DNAH14: variants seen among roughly 807,000 people sequenced by gnomAD.
DNAH14 encodes axonemal beta dynein heavy chain 14.
A neutral mutation model predicts 520.9 loss-of-function variants in DNAH14; 478 were observed. The observed-to-expected ratio is 0.92, with a 90% confidence interval of 0.85 to 0.99. The LOEUF (loss-of-function observed/expected upper bound fraction) is 0.99, where lower values mean the gene tolerates loss of function less well. Among genes scored for constraint, DNAH14 ranks in the 50% least tolerant of loss-of-function variants. The pLI is 0.00. For synonymous variants in DNAH14, 1,581 were observed against 1,757.2 expected, an observed-to-expected ratio of 0.90 and a Z score of 2.51; for missense variants, 4,831 against 5,234.5, an observed-to-expected ratio of 0.92 and a Z score of 2.38.
intron 68 of DNAH14, among the ~76,000 whole-genome samples, chr1:225,340,133 T>TTCTC (rs1472779431): frequency 6.6e-6 from 1 of 152,154 alleles, no homozygotes; most frequent in Non-Finnish European, 1.5e-5. Context: ...CTCCATTGGC[T>TTCTC]TCTCACTCAC....
intron 27 of DNAH14, among the ~76,000 whole-genome samples, chr1:225,139,927 C>T (rs1403494451): frequency 6.6e-6 from 1 of 152,228 alleles, no homozygotes; most frequent in African/African-American, 2.4e-5. Context: ...TCATCATGAG[C>T]TTGCAACATC....
intron 36 of DNAH14, among the ~76,000 whole-genome samples, chr1:225,172,568 A>G (rs1454009073): frequency 2.0e-5 from 3 of 152,172 alleles, no homozygotes; most frequent in Non-Finnish European, 4.4e-5. Context: ...GATATGAAGG[A>G]CCTCTTCAAG....
rs1195729965 is a variant in DNAH14, at chr1:225,333,461, G to C, written c.10035G>C (p.Leu3345Phe). The C allele has an allele frequency of 2.6e-6, 4 of 1,551,148 alleles. No homozygotes were observed. Among genetic ancestry groups the C allele is most frequent in the Non-Finnish European group, 1.7e-6 (2 of 1,146,750 alleles). The stretch of plus-strand genomic sequence containing the variant: ...TCTGCATTGAAAATGGCATTTCTTT[G>C]TCTTCCAAATTCTCTTTAATTAAAG... ...ETFCIENGIS[L>F]SSKFSLIKVM... Residue 3345 changes from leucine to phenylalanine, a missense_variant, in exon 66 of 86, where the codon TTG becomes TTC. Leu to Phe is a conservative substitution (Grantham distance 22, BLOSUM62 0). Coordinates refer to ENST00000682510, the MANE Select transcript of DNAH14 (RefSeq NM_001367479.1).
chr1:225,074,530 C>G (rs544526700), intron 17 of DNAH14, among the ~76,000 whole-genome samples: 1 of 152,294 alleles, frequency 6.6e-6, no homozygotes, highest in Non-Finnish European at 1.5e-5. Flanking sequence ...GGGGCCCAAA[C>G]AGCAAAGATG....
chr1:225,335,666 T>C lies in DNAH14; in HGVS notation c.10081-1600T>C, dbSNP rs1484025878. ...ATATGTATATACGCATATATACATA[T>C]GTGCATATATGTATATACGCATATA... On this transcript the variant is annotated intron_variant, in intron 66 of 85. Transcript: ENST00000682510. Among the ~76,000 whole-genome samples the C allele has an allele frequency of 1.6e-5, 2 of 121,698 alleles. 1 individual carries two copies. The highest frequency in any genetic ancestry group is 3.5e-5 in the Non-Finnish European group (2 of 56,420). 79.8% of individuals were successfully genotyped at this position (121,698 alleles called of 152,430 possible). A position where few individuals can be genotyped will look rare whatever the true frequency, so the allele number is the denominator to read the frequency against.
At chr1:224,944,710 G>T (rs917505755) in intron 1 of DNAH14, among the ~76,000 whole-genome samples, 2 of 152,256 alleles carry the variant, frequency 1.3e-5, no homozygotes, top group Admixed American at 1.3e-4. Context: ...TCTCTCAGCA[G>T]TTGCTTGTCT....
chr1:225,377,199 G>T, intron 78 of DNAH14, 38 bp from the exon 79 acceptor site: 2 of 1,390,820 alleles, frequency 1.4e-6, no homozygotes, highest in East Asian at 5.5e-5. Flanking sequence ...GAAGTAGCAG[G>T]ATTGAAGAAA....
At chr1:225,042,372 A>C (rs932928942) in intron 12 of DNAH14, among the ~76,000 whole-genome samples, 1 of 152,198 alleles carries the variant, frequency 6.6e-6, no homozygotes, top group Non-Finnish European at 1.5e-5. Flanking sequence ...TGTCCATGTT[A>C]GTATATGTAT....
At chr1:224,949,429 A>C (rs1425691328) in intron 1 of DNAH14, among the ~76,000 whole-genome samples, 1 of 152,170 alleles carries the variant, frequency 6.6e-6, no homozygotes, top group Non-Finnish European at 1.5e-5. Flanking sequence ...TATGAAACTG[A>C]AGGTTTATGT....
rs570333716 is a variant in DNAH14, at chr1:225,267,076, CTT to C, written c.7539+310_7539+311del. Among the ~76,000 whole-genome samples the C allele has an allele frequency of 2.0e-3, 308 of 152,188 alleles. 6 individuals are homozygous for C. The highest frequency in any genetic ancestry group is 0.015 in the East Asian group (78 of 5,180). Reference sequence around the variant, plus strand: ...TTAACTGCATCAGTAGTTAATCAAACTTTTCCATGCATCAAATTTTAGTTAGT... The same window carrying C: ...TTAACTGCATCAGTAGTTAATCAAACTTCCATGCATCAAATTTTAGTTAGT... On this transcript the variant is annotated intron_variant, in intron 49 of 85. Coordinates refer to ENST00000682510, the MANE Select transcript of DNAH14 (RefSeq NM_001367479.1).
In DNAH14 at chr1:225,332,799, A is replaced by G. The variant is rs367977911; in HGVS notation, c.9865-492A>G. Reference sequence around the variant, plus strand: ...TGCTTGAGGTCAAGAGTTTAAGACCAACCGGGCAATGTAGCAAGATCCTGT... The same window carrying G: ...TGCTTGAGGTCAAGAGTTTAAGACCGACCGGGCAATGTAGCAAGATCCTGT... On this transcript the variant is annotated intron_variant, in intron 65 of 85. Coordinates refer to ENST00000682510, the MANE Select transcript of DNAH14 (RefSeq NM_001367479.1). Among the ~76,000 whole-genome samples the G allele has an allele frequency of 1.5e-4, 22 of 150,422 alleles. No homozygotes were observed. The East Asian group carries it at 4.1e-3, about 28-fold the overall frequency.
intron 55 of DNAH14, among the ~76,000 whole-genome samples, chr1:225,292,838 GTATTT>G (rs1447381376): frequency 6.6e-6 from 1 of 151,738 alleles, no homozygotes; most frequent in African/African-American, 2.4e-5. Context: ...TTATTCCCAG[GTATTT>G]TATTTTATTT....
intron 36 of DNAH14, among the ~76,000 whole-genome samples, chr1:225,175,804 C>T (rs1021695961): frequency 6.7e-6 from 1 of 149,156 alleles, no homozygotes; most frequent in Non-Finnish European, 1.5e-5. Context: ...TAGTAAGTCT[C>T]ACAGGACCTG....
intron 36 of DNAH14, among the ~76,000 whole-genome samples, chr1:225,173,518 A>G (rs2082946669): frequency 1.3e-5 from 2 of 152,246 alleles, no homozygotes; most frequent in Admixed American, 1.3e-4. Context: ...AATGCTCATC[A>G]TCACTGGCCA....
At chr1:225,061,895 A>C (rs2070174456) in intron 17 of DNAH14, among the ~76,000 whole-genome samples, 1 of 152,214 alleles carries the variant, frequency 6.6e-6, no homozygotes, top group Non-Finnish European at 1.5e-5. Context: ...TGTTTAGAAC[A>C]TTGATTATGA....
chr1:225,105,632 A>G (rs1409856641), intron 23 of DNAH14, among the ~76,000 whole-genome samples: 1 of 152,088 alleles, frequency 6.6e-6, no homozygotes, highest in Non-Finnish European at 1.5e-5. Flanking sequence ...TCCTTTTACC[A>G]TTTTGTAATG....
At chr1:225,167,806 G>A in intron 35 of DNAH14, 133 bp from the exon 36 acceptor site, 1 of 490,846 alleles carries the variant, frequency 2.0e-6, no homozygotes, top group Non-Finnish European at 3.6e-6. Flanking sequence ...ACAGAGGTTG[G>A]TGAACTAAAA....
At chr1:225,231,311 G>A (rs1477342963) in intron 42 of DNAH14, among the ~76,000 whole-genome samples, 160 bp downstream of exon 42, 1 of 151,276 alleles carries the variant, frequency 6.6e-6, no homozygotes, top group Non-Finnish European at 1.5e-5. Flanking sequence ...TCTTTGTATA[G>A]CTAATATAAG....
intron 27 of DNAH14, among the ~76,000 whole-genome samples, chr1:225,126,864 T>G (rs922880692): frequency 8.6e-5 from 13 of 152,036 alleles, no homozygotes; most frequent in African/African-American, 2.7e-4. Context: ...AATTTCCCTC[T>G]ACACACTGCT....
Sources: allele counts gnomAD v4.1 joint callset (sites outside exome capture counted in the v4.1 genomes callset), GRCh38; gene constraint gnomAD v4.1.1; transcripts MANE v1.5; gene names NCBI Gene and HGNC (gene_info 2026-07-23, HGNC 2026-07-21).